ANK3: variants seen among roughly 807,000 people sequenced by gnomAD.
ANK3 encodes ankyrin-3.
In ANK3, 57 loss-of-function variants were observed where a neutral mutation model predicts 370.9. That is an observed-to-expected ratio of 0.15 (90% CI 0.12 to 0.19). The LOEUF is 0.19. ANK3 is among the 10% of genes least tolerant of loss of function. The pLI, the probability that ANK3 is intolerant of heterozygous loss-of-function variation, is 1.00. For synonymous variants in ANK3, 1,929 were observed against 1,946.3 expected, an observed-to-expected ratio of 0.99 and a Z score of 0.23; for missense variants, 4,439 against 5,302.1, an observed-to-expected ratio of 0.84 and a Z score of 5.06.
chr10:60,524,735 G>A (rs1215588655), intron 2 of ANK3, among the ~76,000 whole-genome samples: 1 of 152,048 alleles, frequency 6.6e-6, no homozygotes, highest in Admixed American at 6.6e-5. Flanking sequence ...AAAACCACAT[G>A]TTTCATCATG....
rs1463808696 is a variant in ANK3, at chr10:60,304,512, G to GCGCAC, written c.115-24878_115-24874dup. Among the ~76,000 whole-genome samples, 9 of 151,806 alleles carry GCGCAC rather than the reference G, an allele frequency of 5.9e-5. No homozygotes were observed. In the East Asian group the frequency reaches 1.7e-3, roughly 29 times the overall value. On this transcript the variant is annotated intron_variant, in intron 1 of 43. Transcript: ENST00000280772. ...ACAAAAATTAGCTGGGTGTGGTGGC[G>GCGCAC]CGCACTTGTAATCCCAGCTACTCAG...
At chr10:60,340,548 A>T (rs189721378) in intron 1 of ANK3, among the ~76,000 whole-genome samples, 2 of 152,176 alleles carry the variant, frequency 1.3e-5, no homozygotes, top group Admixed American at 1.3e-4. Flanking sequence ...AGTAGCTGGG[A>T]TTGCAAGCAT....
At chr10:60,264,967 C>CT (rs2097856868) in intron 5 of ANK3, among the ~76,000 whole-genome samples, 1 of 151,694 alleles carries the variant, frequency 6.6e-6, no homozygotes, top group African/African-American at 2.4e-5. Flanking sequence ...TGGTTATTGT[C>CT]TTTTTTCTTT....
At chr10:60,391,648 C>T (rs75817301), upstream of ANK3, among the ~76,000 whole-genome samples, 256 of 152,322 alleles carry the variant, frequency 1.7e-3, 2 homozygotes, top group African/African-American at 5.8e-3. Context: ...TTTATAGACG[C>T]TAATGATACT....
chr10:60,153,607 T>C (rs902068542), intron 23 of ANK3, among the ~76,000 whole-genome samples: 1 of 152,140 alleles, frequency 6.6e-6, no homozygotes, highest in African/African-American at 2.4e-5. Flanking sequence ...AGAACCTAAA[T>C]GAAAATGTAC....
intron 2 of ANK3, among the ~76,000 whole-genome samples, chr10:60,505,062 T>C (rs1488460280): frequency 2.6e-5 from 4 of 152,146 alleles, no homozygotes; most frequent in Admixed American, 6.6e-5. Flanking sequence ...GCAAATGATA[T>C]GTCTAAGATT....
chr10:60,607,220 G>A (rs1380444835), intron 2 of ANK3, among the ~76,000 whole-genome samples: 3 of 152,104 alleles, frequency 2.0e-5, no homozygotes, highest in African/African-American at 7.2e-5. Context: ...GCACCATACT[G>A]GGTGTTATAA....
intron 42 of ANK3, among the ~76,000 whole-genome samples, chr10:60,055,381 C>CCCTCCTAA (rs2078968101): frequency 6.6e-6 from 1 of 152,286 alleles, no homozygotes; most frequent in Admixed American, 6.5e-5. Flanking sequence ...TGGTTCTTGT[C>CCCTCCTAA]CCTCCTAAAA....
At chr10:60,437,500 T>A (rs1220654920) in intron 2 of ANK3, among the ~76,000 whole-genome samples, 3 of 152,186 alleles carry the variant, frequency 2.0e-5, no homozygotes, top group Non-Finnish European at 2.9e-5. Flanking sequence ...GGACTCAGGA[T>A]CTGATGTAAA....
chr10:60,237,309 G>T (rs992068131), intron 7 of ANK3, among the ~76,000 whole-genome samples: 3 of 152,198 alleles, frequency 2.0e-5, no homozygotes, highest in Admixed American at 2.0e-4. Flanking sequence ...GGAGGGTCAG[G>T]TTGGGAATAA....
intron 1 of ANK3, among the ~76,000 whole-genome samples, chr10:60,297,244 T>C (rs957899798): frequency 6.6e-6 from 1 of 152,144 alleles, no homozygotes; most frequent in Non-Finnish European, 1.5e-5. Flanking sequence ...TCACCGTCAC[T>C]TGACTAAAGA....
chr10:60,445,795 T>C (rs1406545387), intron 2 of ANK3, among the ~76,000 whole-genome samples: 2 of 152,186 alleles, frequency 1.3e-5, no homozygotes, highest in African/African-American at 4.8e-5. Context: ...TGCTGCAGAA[T>C]TGTATCTTGT....
intron 1 of ANK3, among the ~76,000 whole-genome samples, chr10:60,623,025 A>G (rs890723040): frequency 1.3e-5 from 2 of 152,202 alleles, no homozygotes; most frequent in Admixed American, 1.3e-4. Flanking sequence ...TACAGAAACT[A>G]TTCATTTGGC....
intron 2 of ANK3, among the ~76,000 whole-genome samples, chr10:60,459,864 C>G (rs1354898001): frequency 6.6e-6 from 1 of 152,100 alleles, no homozygotes; most frequent in Admixed American, 6.6e-5. Flanking sequence ...CTTCCTTTAT[C>G]TGAAAGCCAT....
At chr10:60,592,406 T>C (rs1252007928) in intron 2 of ANK3, among the ~76,000 whole-genome samples, 2 of 152,202 alleles carry the variant, frequency 1.3e-5, no homozygotes, top group Admixed American at 6.5e-5. Flanking sequence ...GCCTACTACA[T>C]GTGAAGCAAG....
chr10:60,639,227 A>G (rs1451199841), intron 1 of ANK3, among the ~76,000 whole-genome samples: 4 of 151,832 alleles, frequency 2.6e-5, no homozygotes, highest in Non-Finnish European at 5.9e-5. Flanking sequence ...GTTAGCTTCA[A>G]AGTTCTGAAA....
intron 7 of ANK3, among the ~76,000 whole-genome samples, chr10:60,242,366 C>G (rs999462769): frequency 8.5e-5 from 13 of 152,154 alleles, no homozygotes; most frequent in African/African-American, 3.1e-4. Flanking sequence ...ATATGATATA[C>G]TTTAGAATAA....
At chr10:60,403,188 C>T (rs1471140233) in intron 2 of ANK3, among the ~76,000 whole-genome samples, 2 of 152,110 alleles carry the variant, frequency 1.3e-5, no homozygotes, top group Non-Finnish European at 2.9e-5. Flanking sequence ...ATTGAAATTA[C>T]TACAAAAACA....
chr10:60,272,488 T>G (rs1036250042), intron 4 of ANK3, among the ~76,000 whole-genome samples: 1 of 151,962 alleles, frequency 6.6e-6, no homozygotes, highest in South Asian at 2.1e-4. Flanking sequence ...TTGTTTGTTT[T>G]TTTTTTGTTG....
Sources: allele counts gnomAD v4.1 joint callset (sites outside exome capture counted in the v4.1 genomes callset), GRCh38; gene constraint gnomAD v4.1.1; transcripts MANE v1.5; gene names NCBI Gene and HGNC (gene_info 2026-07-23, HGNC 2026-07-21).